Variants in CNTLN observed in about 807,000 individuals in gnomAD.
CNTLN encodes centlein, centrosomal protein.
A neutral mutation model predicts 180.0 loss-of-function variants in CNTLN; 212 were observed. The ratio of observed to expected loss-of-function variants is 1.18; its 90% CI spans 1.05 to 1.32. CNTLN has a LOEUF of 1.32. Among genes scored for constraint, CNTLN ranks in the 40% most tolerant of loss-of-function variants. The pLI, the probability that CNTLN is intolerant of heterozygous loss-of-function variation, is 0.00. For synonymous variants in CNTLN, 722 were observed against 563.1 expected (o/e 1.28, Z -3.99); for missense variants, 2,095 against 1,610.9 (o/e 1.30, Z -5.14).
chr9:17,311,457 T>G (rs1002357895), intron 8 of CNTLN, among the ~76,000 whole-genome samples: 2 of 151,468 alleles, frequency 1.3e-5, no homozygotes, highest in Non-Finnish European at 2.9e-5. Flanking sequence ...TTCTGTTTTT[T>G]TTTTTTTTTT....
chr9:17,178,547 G>A (rs753905760), intron 2 of CNTLN, among the ~76,000 whole-genome samples: 9 of 152,096 alleles, frequency 5.9e-5, no homozygotes, highest in South Asian at 2.1e-4. Flanking sequence ...CAGGCATGGC[G>A]AATTGCAGGT....
At chr9:17,253,107 A>C (rs926904048) in intron 5 of CNTLN, among the ~76,000 whole-genome samples, 2 of 151,536 alleles carry the variant, frequency 1.3e-5, no homozygotes, top group Non-Finnish European at 3.0e-5. Flanking sequence ...TCTGGGTTCT[A>C]TATTTTGTTT....
At chr9:17,472,913 T>C (rs1466455908) in intron 23 of CNTLN, among the ~76,000 whole-genome samples, 1 of 152,150 alleles carries the variant, frequency 6.6e-6, no homozygotes, top group African/African-American at 2.4e-5. Context: ...TTTCACTAAT[T>C]ACTACCACCC....
intron 16 of CNTLN, among the ~76,000 whole-genome samples, chr9:17,412,199 T>G (rs1827899062): frequency 6.6e-6 from 1 of 152,206 alleles, no homozygotes; most frequent in Non-Finnish European, 1.5e-5. Context: ...GGATTTCCAC[T>G]TCCAACTGGC....
intron 6 of CNTLN, among the ~76,000 whole-genome samples, chr9:17,290,200 T>C (rs1829276691): frequency 1.3e-5 from 2 of 152,118 alleles, no homozygotes; most frequent in African/African-American, 4.8e-5. Context: ...GTGGATGTCC[T>C]TTCTGTTTGT....
chr9:17,334,799 T>C (rs1820890244), intron 10 of CNTLN, among the ~76,000 whole-genome samples: 1 of 151,998 alleles, frequency 6.6e-6, no homozygotes, highest in Admixed American at 6.6e-5. Context: ...AACCTTCTTA[T>C]TGGGTACTGT....
chr9:17,322,552 C>T (rs1042236193), intron 8 of CNTLN, among the ~76,000 whole-genome samples: 2 of 152,146 alleles, frequency 1.3e-5, no homozygotes, highest in Non-Finnish European at 2.9e-5. Flanking sequence ...TGCAACTCAA[C>T]TTTAACTACT....
intron 23 of CNTLN, among the ~76,000 whole-genome samples, chr9:17,476,674 C>T (rs1048666607): frequency 6.6e-6 from 1 of 152,134 alleles, no homozygotes; most frequent in Non-Finnish European, 1.5e-5. Context: ...TAATCCAGAG[C>T]AGGGCCCTGT....
At chr9:17,320,258 C>A (rs1015555670) in intron 8 of CNTLN, among the ~76,000 whole-genome samples, 1 of 152,076 alleles carries the variant, frequency 6.6e-6, no homozygotes, top group African/African-American at 2.4e-5. Flanking sequence ...CCCTTATGTT[C>A]TTACTCTCTT....
chr9:17,191,468 C>T (rs1248823462), intron 2 of CNTLN, among the ~76,000 whole-genome samples: 1 of 152,208 alleles, frequency 6.6e-6, no homozygotes, highest in Non-Finnish European at 1.5e-5. Context: ...AAACTTGACA[C>T]ACATTCTGGG....
At chr9:17,400,372 C>G (rs10810786) in intron 15 of CNTLN, among the ~76,000 whole-genome samples, 68,595 of 151,926 alleles carry the variant, frequency 0.45, 17,084 homozygotes, top group Non-Finnish European at 0.56. Flanking sequence ...CTCCTGACCT[C>G]GTGATCTGCC....
chr9:17,338,168 TC>T (rs1424846974), intron 10 of CNTLN, among the ~76,000 whole-genome samples: 1,876 of 150,900 alleles, frequency 0.012, 43 homozygotes, highest in African/African-American at 0.044. Context: ...TCTTTTTCTT[TC>T]TTTTTTTTTT....
chr9:17,189,396 A>G (rs148525566), intron 2 of CNTLN, among the ~76,000 whole-genome samples: 2 of 149,762 alleles, frequency 1.3e-5, no homozygotes, highest in East Asian at 4.1e-4. Context: ...CTTAGTTTTA[A>G]ACTTCATTAG....
intron 8 of CNTLN, among the ~76,000 whole-genome samples, chr9:17,318,028 CTT>C (rs869093440): frequency 6.9e-6 from 1 of 144,014 alleles, no homozygotes. Flanking sequence ...TTTTTCTTTT[CTT>C]TTTTTTTTTT....
At chr9:17,444,329 A>G (rs1830281834) in intron 18 of CNTLN, 1 of 148,374 alleles carries the variant, frequency 6.7e-6, no homozygotes, top group Non-Finnish European at 1.5e-5. Context: ...GAATACAAAT[A>G]CTTTGTCTGT....
At chr9:17,376,910 C>T (rs1208838942) in intron 13 of CNTLN, among the ~76,000 whole-genome samples, 1 of 152,084 alleles carries the variant, frequency 6.6e-6, no homozygotes, top group Admixed American at 6.6e-5. Context: ...GAACTGTAAA[C>T]TTTAAATAAA....
At chr9:17,409,528 C>T (rs1163772672) in intron 16 of CNTLN, 55 bp downstream of exon 16, 7 of 1,256,818 alleles carry the variant, frequency 5.6e-6, no homozygotes, top group Middle Eastern at 3.9e-4. Flanking sequence ...TTATCTTATG[C>T]TTTATAACTT....
intron 5 of CNTLN, among the ~76,000 whole-genome samples, chr9:17,255,390 A>G (rs1209734352): frequency 6.6e-6 from 1 of 151,684 alleles, no homozygotes; most frequent in East Asian, 1.9e-4. Flanking sequence ...TGTTCTTTTA[A>G]TCATGAAAGG....
intron 12 of CNTLN, among the ~76,000 whole-genome samples, chr9:17,361,758 C>G (rs1348056509): frequency 6.6e-6 from 1 of 152,180 alleles, no homozygotes; most frequent in Non-Finnish European, 1.5e-5. Context: ...ATCGAGCCAT[C>G]ATTAAGGGCT....
Sources: gnomAD v4.1 joint callset for allele counts (sites outside exome capture counted in the v4.1 genomes callset) on GRCh38, gnomAD v4.1.1 for gene constraint, MANE v1.5 for transcripts, NCBI Gene and HGNC (gene_info 2026-07-23, HGNC 2026-07-21) for gene names.